Variants in CENPP observed in about 807,000 individuals in gnomAD.
CENPP encodes the protein centromere protein P.
Under a neutral mutation model 35.6 loss-of-function variants are expected in CENPP, and 24 were observed. The observed-to-expected ratio is 0.67, with a 90% CI of 0.49 to 0.95. The LOEUF (loss-of-function observed/expected upper bound fraction) is 0.95, where lower values mean the gene tolerates loss of function less well. Ranked by LOEUF, CENPP falls within the 40% of genes least tolerant of loss-of-function variation. The pLI, the probability that CENPP is intolerant of heterozygous loss-of-function variation, is 0.00. For missense variants in CENPP, 332 were observed against 345.3 expected (o/e 0.96, Z 0.31); for synonymous variants, 120 against 125.5 (o/e 0.96, Z 0.29).
At chr9:92,363,722 T>C (rs936279149) in intron 4 of CENPP, among the ~76,000 whole-genome samples, 1 of 152,220 alleles carries the variant, frequency 6.6e-6, no homozygotes, top group Non-Finnish European at 1.5e-5. Context: ...TATGTATGTG[T>C]TTATGTGTCT....
chr9:92,556,015 G>A (rs1016757399), intron 5 of CENPP, among the ~76,000 whole-genome samples: 2 of 152,062 alleles, frequency 1.3e-5, no homozygotes, highest in Admixed American at 1.3e-4. Context: ...ACTTTTTGAT[G>A]TGGGCGTTTA....
chr9:92,466,258 A>C (rs1309739536), intron 5 of CENPP: 2 of 823,752 alleles, frequency 2.4e-6, no homozygotes, highest in Non-Finnish European at 3.8e-6. Flanking sequence ...GATTATTCAA[A>C]AATTAATTTT....
At chr9:92,349,946 C>T (rs746801897) in intron 4 of CENPP, among the ~76,000 whole-genome samples, 6 of 152,070 alleles carry the variant, frequency 3.9e-5, no homozygotes, top group African/African-American at 7.2e-5. Flanking sequence ...ATTGCTGAGT[C>T]GTATAAGAGT....
At chr9:92,533,118 G>C (rs1384043840) in intron 5 of CENPP, among the ~76,000 whole-genome samples, 1 of 150,730 alleles carries the variant, frequency 6.6e-6, no homozygotes, top group Non-Finnish European at 1.5e-5. Flanking sequence ...CCAATATGGT[G>C]AAACCCCGTC....
intron 5 of CENPP, among the ~76,000 whole-genome samples, chr9:92,563,752 C>T (rs377337244): frequency 4.2e-4 from 63 of 151,084 alleles, no homozygotes; most frequent in African/African-American, 1.5e-3. Context: ...TCCTCATCCT[C>T]CCTCCCCCTC....
At chr9:92,381,378 T>G (rs1019471697) in intron 5 of CENPP, among the ~76,000 whole-genome samples, 7 of 151,776 alleles carry the variant, frequency 4.6e-5, no homozygotes, top group Non-Finnish European at 1.0e-4. Flanking sequence ...TGACTGTCCC[T>G]GGCTCAGGTG....
At chr9:92,574,230 AT>A (rs962317456) in intron 5 of CENPP, among the ~76,000 whole-genome samples, 1 of 151,878 alleles carries the variant, frequency 6.6e-6, no homozygotes, top group African/African-American at 2.4e-5. Flanking sequence ...CCCAGAATGT[AT>A]TTTTTTTAAT....
intron 4 of CENPP, among the ~76,000 whole-genome samples, chr9:92,351,045 A>C (rs994946300): frequency 6.6e-6 from 1 of 152,180 alleles, no homozygotes; most frequent in African/African-American, 2.4e-5. Context: ...TAGATTATTT[A>C]ACTTGTTTTC....
At chr9:92,404,142 C>T (rs925287019) in intron 5 of CENPP, among the ~76,000 whole-genome samples, 52 of 152,022 alleles carry the variant, frequency 3.4e-4, no homozygotes, top group Admixed American at 2.8e-3. Context: ...AGAAAGGATT[C>T]CTTTAGGCTC....
chr9:92,329,182 C>CTTTTTT (rs11366828), intron 1 of CENPP, among the ~76,000 whole-genome samples: 3 of 104,384 alleles, frequency 2.9e-5, no homozygotes, highest in Non-Finnish European at 5.5e-5. Flanking sequence ...ATATTTATGG[C>CTTTTTT]TTTTTTTTTT....
Position 92,619,377 on chromosome 9 carries a change from G to T in CENPP, c.*6228G>T. ...TAGGCCAAGGAAGTTATGTCACTCC[G>T]CCATGGAGTCTCTAAATATGGGGAA... On this transcript the variant is annotated 3_prime_UTR_variant, in exon 8 of 8. Transcript: ENST00000375587. 1 of 856,208 alleles carries T rather than the reference G, an allele frequency of 1.2e-6. No individual in the cohort carries two copies. Among genetic ancestry groups the T allele is most frequent in the Non-Finnish European group, 1.9e-6 (1 of 526,498 alleles). The allele number at this position is 856,208 out of a possible 1,614,324, so 53.0% of individuals were successfully genotyped here. A position where few individuals can be genotyped will look rare whatever the true frequency, so the allele number is the denominator to read the frequency against.
chr9:92,515,949 A>G (rs1052732438), intron 5 of CENPP, among the ~76,000 whole-genome samples: 5 of 152,148 alleles, frequency 3.3e-5, no homozygotes, highest in Admixed American at 2.6e-4. Context: ...GTTAATCTAC[A>G]TTTATATTTA....
chr9:92,515,514 A>G (rs1260997673), intron 5 of CENPP, among the ~76,000 whole-genome samples: 1 of 152,168 alleles, frequency 6.6e-6, no homozygotes, highest in East Asian at 1.9e-4. Context: ...TTGCCACATG[A>G]GGCAAAATGG....
At chr9:92,426,111 G>T (rs1283130564) in intron 5 of CENPP, among the ~76,000 whole-genome samples, 1 of 152,148 alleles carries the variant, frequency 6.6e-6, no homozygotes, top group Non-Finnish European at 1.5e-5. Flanking sequence ...TATCTAGGAG[G>T]TTTAAGGTGG....
intron 3 of CENPP, among the ~76,000 whole-genome samples, chr9:92,343,435 G>A (rs1312276853): frequency 6.6e-6 from 1 of 152,212 alleles, no homozygotes; most frequent in Non-Finnish European, 1.5e-5. Context: ...AATTAGATTG[G>A]TAGGAGTTTG....
At chr9:92,468,402 A>G (rs1263329220) in intron 5 of CENPP, among the ~76,000 whole-genome samples, 1 of 152,148 alleles carries the variant, frequency 6.6e-6, no homozygotes, top group Non-Finnish European at 1.5e-5. Flanking sequence ...AAACAGTGTA[A>G]GGACAGAAGA....
chr9:92,340,923 G>A (rs1358743526), intron 3 of CENPP, among the ~76,000 whole-genome samples: 1 of 152,168 alleles, frequency 6.6e-6, no homozygotes, highest in African/African-American at 2.4e-5. Context: ...AACTCTGACT[G>A]CTGGTGAGCC....
Position 92,514,274 on chromosome 9 carries a change from C to CTT in CENPP, c.565-97023_565-97022dup, listed in dbSNP as rs1044226766. On this transcript the variant is annotated intron_variant, in intron 5 of 7. Transcript: ENST00000375587. ...ACTGCATGTGGCTTAGAGTCATTTA[C>CTT]TTTTTTTTTTTTTTTTTTGAGATGG... 4.0e-3 allele frequency among the ~76,000 whole-genome samples: 521 copies of CTT among 130,736 alleles called. 3 individuals carry two copies. Among genetic ancestry groups the CTT allele is most frequent in the African/African-American group, 0.012 (434 of 35,762 alleles). The allele number at this position is 130,736 out of a possible 152,430, so 85.8% of individuals were successfully genotyped here. A position where few individuals can be genotyped will look rare whatever the true frequency, so the allele number is the denominator to read the frequency against.
intron 5 of CENPP, among the ~76,000 whole-genome samples, chr9:92,594,518 A>T (rs1039490372): frequency 1.3e-5 from 2 of 152,198 alleles, no homozygotes; most frequent in South Asian, 4.1e-4. Flanking sequence ...TACTATGCAA[A>T]TGGAATAAAT....
Sources: allele counts gnomAD v4.1 joint callset (sites outside exome capture counted in the v4.1 genomes callset), GRCh38; gene constraint gnomAD v4.1.1; transcripts MANE v1.5; gene names NCBI Gene and HGNC (gene_info 2026-07-23, HGNC 2026-07-21).